CSMD1: variants seen among roughly 807,000 people sequenced by gnomAD.
CSMD1 encodes the protein CUB and sushi domain-containing protein 1.
A neutral mutation model predicts 417.5 loss-of-function variants in CSMD1; 213 were observed. The ratio of observed to expected loss-of-function variants is 0.51; its 90% CI spans 0.46 to 0.57. The LOEUF is 0.57. Ranked by LOEUF, CSMD1 falls within the 20% of genes least tolerant of loss-of-function variation. The pLI is 0.00. For missense variants in CSMD1, 6,923 were observed against 4,529.7 expected (o/e 1.53, Z -15.17); for synonymous variants, 2,862 against 1,736.8 (o/e 1.65, Z -16.11).
rs944837279 is a variant in CSMD1, at chr8:3,313,561, G to A, written c.3632-5058C>T. 3.9e-5 allele frequency among the ~76,000 whole-genome samples: 6 copies of A among 152,294 alleles called. No individual in the cohort carries two copies. In the South Asian group the frequency reaches 1.2e-3, roughly 32 times the overall value. On this transcript the variant is annotated intron_variant, in intron 23 of 69. Coordinates refer to ENST00000635120, the MANE Select transcript of CSMD1 (RefSeq NM_033225.6). Reference sequence around the variant, plus strand: ...GAAATGCAAATCAAAACCACAATAAGATACTATCTCACACGAGTTAGAATG... The same window carrying A: ...GAAATGCAAATCAAAACCACAATAAAATACTATCTCACACGAGTTAGAATG...
chr8:4,436,784 T>C (rs1442693180), intron 2 of CSMD1, among the ~76,000 whole-genome samples: 2 of 152,206 alleles, frequency 1.3e-5, no homozygotes, highest in African/African-American at 2.4e-5. Context: ...TCTCTTTCAG[T>C]GCCTACCTTA....
intron 3 of CSMD1, among the ~76,000 whole-genome samples, chr8:4,309,832 A>G (rs1036760243): frequency 1.3e-5 from 2 of 152,172 alleles, no homozygotes; most frequent in African/African-American, 4.8e-5. Flanking sequence ...CATTTTAAAT[A>G]TAGCTGTCTG....
intron 2 of CSMD1, among the ~76,000 whole-genome samples, chr8:4,442,689 G>A (rs148673966): frequency 3.9e-5 from 6 of 152,110 alleles, no homozygotes; most frequent in Admixed American, 6.6e-5. Flanking sequence ...CAATGTCTCC[G>A]AAAAGGTAGT....
At chr8:4,219,072 CTA>C (rs1423868229) in intron 3 of CSMD1, among the ~76,000 whole-genome samples, 1 of 152,280 alleles carries the variant, frequency 6.6e-6, no homozygotes, top group East Asian at 1.9e-4. Flanking sequence ...ACCGTCTACT[CTA>C]TCACTTTTCC....
intron 3 of CSMD1, among the ~76,000 whole-genome samples, chr8:4,177,807 C>T (rs1023195618): frequency 2.4e-4 from 36 of 151,628 alleles, no homozygotes; most frequent in African/African-American, 3.9e-4. Context: ...AACACCTCTA[C>T]GCAAATAAAC....
At chr8:3,269,520 T>C (rs12542735) in intron 26 of CSMD1, among the ~76,000 whole-genome samples, 44,312 of 152,152 alleles carry the variant, frequency 0.29, 6,711 homozygotes, top group Non-Finnish European at 0.34. Context: ...AAGTTATCTT[T>C]CAATAAAGTA....
chr8:4,665,361 A>T (rs1056014128), intron 1 of CSMD1, among the ~76,000 whole-genome samples: 1 of 152,250 alleles, frequency 6.6e-6, no homozygotes, highest in Non-Finnish European at 1.5e-5. Context: ...TCCAAAAAGT[A>T]AACCACCCGT....
intron 1 of CSMD1, among the ~76,000 whole-genome samples, chr8:4,733,537 G>T (rs970269785): frequency 6.6e-6 from 1 of 152,198 alleles, no homozygotes; most frequent in Non-Finnish European, 1.5e-5. Context: ...GATAGATAGT[G>T]CATTGCCCAT....
At chr8:3,926,034 CACACACACAA>C (rs1431246440) in intron 5 of CSMD1, among the ~76,000 whole-genome samples, 50 of 129,176 alleles carry the variant, frequency 3.9e-4, no homozygotes, top group African/African-American at 9.6e-4. Flanking sequence ...CACACACACA[CACACACACAA>C]ACACCATATA....
At chr8:4,863,725 A>C (rs886303565) in intron 1 of CSMD1, among the ~76,000 whole-genome samples, 1 of 152,090 alleles carries the variant, frequency 6.6e-6, no homozygotes, top group Admixed American at 6.5e-5. Context: ...TTATCCTTTG[A>C]AAAATGTATA....
chr8:4,614,351 C>T (rs1801356678), intron 2 of CSMD1, among the ~76,000 whole-genome samples: 1 of 152,152 alleles, frequency 6.6e-6, no homozygotes, highest in African/African-American at 2.4e-5. Flanking sequence ...CCACCATTAC[C>T]TCCATGGCTT....
At position 4,146,818 on chromosome 8, in the gene CSMD1, G is replaced by C. The variant is rs988263430; in HGVS notation, c.416-114719C>G. 1.8e-4 allele frequency among the ~76,000 whole-genome samples: 27 copies of C among 149,412 alleles called. 2 individuals are homozygous for C. Among genetic ancestry groups the C allele is most frequent in the African/African-American group, 6.6e-4 (26 of 39,240 alleles). Reference sequence around the variant, plus strand: ...AGTAGAGACGAGTTTCACCGTGTTAGGCAGGATAGTCTCGATCTCCTGACC... The same window carrying C: ...AGTAGAGACGAGTTTCACCGTGTTACGCAGGATAGTCTCGATCTCCTGACC... On this transcript the variant is annotated intron_variant, in intron 3 of 69. Coordinates refer to ENST00000635120, the MANE Select transcript of CSMD1 (RefSeq NM_033225.6).
At chr8:3,619,893 G>A (rs1775616950) in intron 7 of CSMD1, among the ~76,000 whole-genome samples, 1 of 152,140 alleles carries the variant, frequency 6.6e-6, no homozygotes, top group Non-Finnish European at 1.5e-5. Context: ...CTTGACGTCA[G>A]GAATTCAAGA....
intron 1 of CSMD1, among the ~76,000 whole-genome samples, chr8:4,739,086 A>C (rs1268712902): frequency 1.3e-5 from 2 of 151,930 alleles, no homozygotes; most frequent in African/African-American, 4.8e-5. Context: ...GCACACACAC[A>C]TACATGTGAA....
At chr8:4,379,708 A>C (rs1383625378) in intron 3 of CSMD1, among the ~76,000 whole-genome samples, 2 of 151,892 alleles carry the variant, frequency 1.3e-5, no homozygotes, top group Non-Finnish European at 2.9e-5. Context: ...CAATGGCGGG[A>C]AGAGGGCAAT....
chr8:4,065,530 A>G (rs548286529), intron 3 of CSMD1, among the ~76,000 whole-genome samples: 1 of 149,576 alleles, frequency 6.7e-6, no homozygotes, highest in South Asian at 2.2e-4. Context: ...CGGTATCAAG[A>G]AACTGTATGT....
Position 4,303,877 on chromosome 8 carries a change from G to A in CSMD1, c.415+116076C>T, listed in dbSNP as rs10108263. Among the ~76,000 whole-genome samples, 1,065 of 151,928 alleles carry A rather than the reference G, an allele frequency of 7.0e-3. 9 individuals are homozygous for A. The highest frequency in any genetic ancestry group is 0.015 in the Admixed American group (227 of 15,258). On this transcript the variant is annotated intron_variant, in intron 3 of 69. Coordinates refer to ENST00000635120, the MANE Select transcript of CSMD1 (RefSeq NM_033225.6). ...TCACTATGTTGCCCAGGCTGGTCTC[G>A]AACTCCTGACCTTGTGATCTGCCTG...
intron 1 of CSMD1, among the ~76,000 whole-genome samples, chr8:4,744,034 C>T (rs1406521180): frequency 1.3e-5 from 2 of 152,248 alleles, no homozygotes; most frequent in African/African-American, 2.4e-5. Context: ...CAGGCTGGCA[C>T]ACGCAGCCCC....
At chr8:4,196,205 C>T (rs1458806338) in intron 3 of CSMD1, among the ~76,000 whole-genome samples, 2 of 151,990 alleles carry the variant, frequency 1.3e-5, no homozygotes, top group East Asian at 1.9e-4. Flanking sequence ...AGCAAGACTC[C>T]GTTTCAAAAA....
Sources: allele counts gnomAD v4.1 joint callset (sites outside exome capture counted in the v4.1 genomes callset), GRCh38; gene constraint gnomAD v4.1.1; transcripts MANE v1.5; gene names NCBI Gene and HGNC (gene_info 2026-07-23, HGNC 2026-07-21).